MIOS: variants seen among roughly 807,000 people sequenced by gnomAD.
The protein encoded by MIOS is meiosis regulator for oocyte development.
In MIOS, 52 loss-of-function variants were observed where a neutral mutation model predicts 96.9. The ratio of observed to expected loss-of-function variants is 0.54; its 90% CI spans 0.43 to 0.68. MIOS has a LOEUF of 0.68. Among genes scored for constraint, MIOS ranks in the 30% least tolerant of loss-of-function variants. The probability of loss-of-function intolerance (pLI) is 0.00; values close to 1 mark genes in which losing one functional copy is unlikely to be tolerated. For missense variants in MIOS, 1,005 were observed against 1,052.8 expected, an observed-to-expected ratio of 0.95 and a Z score of 0.63; for synonymous variants, 397 against 359.5, an observed-to-expected ratio of 1.10 and a Z score of -1.18.
In MIOS at chr7:7,602,439, CAGAG is replaced by C. The variant is rs1289610311; in HGVS notation, c.2402-3500_2402-3497del. On this transcript the variant is annotated intron_variant, in intron 11 of 12. Coordinates refer to ENST00000340080, the MANE Select transcript of MIOS (RefSeq NM_019005.4). Reference sequence around the variant, plus strand: ...TTCTTATACACCAATAACAGACAAACAGAGAGCCAAATCATGAGTGAACTCCCAT... The same window carrying C: ...TTCTTATACACCAATAACAGACAAACAGCCAAATCATGAGTGAACTCCCAT... Among the ~76,000 whole-genome samples the C allele has an allele frequency of 6.6e-5, 10 of 152,168 alleles. 1 individual carries two copies. In the South Asian group the frequency reaches 8.3e-4, roughly 13 times the overall value.
chr7:7,590,947 A>G (rs1180195802), intron 9 of MIOS, among the ~76,000 whole-genome samples: 1 of 152,044 alleles, frequency 6.6e-6, no homozygotes, highest in Non-Finnish European at 1.5e-5. Context: ...CCTTTGTCCT[A>G]TTGTCATATA....
intron 8 of MIOS, 57 bp downstream of exon 8, chr7:7,588,620 G>A: frequency 9.1e-7 from 1 of 1,099,964 alleles, no homozygotes; most frequent in Non-Finnish European, 1.3e-6. Flanking sequence ...TCACAATTAT[G>A]TAAGAAACTA....
chr7:7,606,619 A>G (rs10952066), intron 12 of MIOS, among the ~76,000 whole-genome samples: 3,624 of 152,346 alleles, frequency 0.024, 59 homozygotes, highest in Non-Finnish European at 0.037. Flanking sequence ...TCACAACTAT[A>G]AATGAAATAT....
intron 5 of MIOS, among the ~76,000 whole-genome samples, chr7:7,580,490 A>G (rs796576552): frequency 5.3e-5 from 8 of 152,302 alleles, no homozygotes; most frequent in African/African-American, 1.9e-4. Context: ...GAATTATTTA[A>G]CTAATTTTTG....
At chr7:7,583,416 T>G (rs1418103726) in intron 6 of MIOS, 44 bp downstream of exon 6, 2 of 1,487,150 alleles carry the variant, frequency 1.3e-6, no homozygotes, top group Non-Finnish European at 1.8e-6. Context: ...TCTAAGATGT[T>G]AGCAGTTCAT....
intron 7 of MIOS, 89 bp from the exon 8 acceptor site, chr7:7,588,409 C>A (rs1472602825): frequency 1.6e-6 from 1 of 633,228 alleles, no homozygotes; most frequent in South Asian, 4.2e-5. Context: ...TAAACATATT[C>A]ATTTTATTTA....
rs1371242734 is a variant in MIOS at position 7,608,591 on chromosome 7, A to G, written c.*1499A>G. ...TTTTTTAAAGATTGCTATTAAGGGT[A>G]CTTTTTCCAGCCTTCATTTGAGTAA... On this transcript the variant is annotated 3_prime_UTR_variant, in exon 13 of 13. Transcript: ENST00000340080. 1.3e-5 allele frequency: 2 copies of G among 152,000 alleles called. No homozygotes were observed. Among genetic ancestry groups the G allele is most frequent in the Non-Finnish European group, 1.5e-5 (1 of 67,928 alleles). 9.4% of individuals were successfully genotyped at this position (152,000 alleles called of 1,614,324 possible). A position where few individuals can be genotyped will look rare whatever the true frequency, so the allele number is the denominator to read the frequency against.
intron 11 of MIOS, among the ~76,000 whole-genome samples, chr7:7,600,911 A>AT (rs776529780): frequency 3.7e-4 from 56 of 152,228 alleles, no homozygotes; most frequent in South Asian, 4.1e-4. Context: ...GGATTAAGAC[A>AT]TTCACTCCAA....
At position 7,605,925 on chromosome 7, in the gene MIOS, A is replaced by AT; in HGVS notation, c.2402-13dup. The AT allele has an allele frequency of 1.2e-6, 2 of 1,608,668 alleles. No homozygotes were observed. The highest frequency in any genetic ancestry group is 2.7e-5 in the African/African-American group (2 of 74,848). The stretch of plus-strand genomic sequence containing the variant: ...TATTATGATATAGTTAATGAAGATC[A>AT]TTTTATTTTGTCATAGGAGGAACCA... On this transcript the variant is annotated splice_polypyrimidine_tract_variant and intron_variant, in intron 11 of 12. Coordinates refer to ENST00000340080, the MANE Select transcript of MIOS (RefSeq NM_019005.4).
At position 7,588,559 on chromosome 7, in the gene MIOS, C is replaced by A; in HGVS notation, c.1880C>A (p.Thr627Asn). The change falls in exon 8 of 13, where the codon ACT becomes AAT. Residue 627 changes from threonine (T) to asparagine (N), a missense_variant. Physicochemically the swap from Thr to Asn is moderately conservative, Grantham distance 65. This residue lies in a region of MIOS where 865 missense variants were observed against 887.9 expected (regional missense o/e 0.97). Coordinates refer to ENST00000340080, the MANE Select transcript of MIOS (RefSeq NM_019005.4). ...VAFACKFLSD[T>N]QLNRYIEKLT... ...TTTGCTTGTAAATTCCTTAGTGATACTCAGGTGAAAACTGATTTAATTCCA... is the reference window on the plus strand; with the variant it reads ...TTTGCTTGTAAATTCCTTAGTGATAATCAGGTGAAAACTGATTTAATTCCA... 6.3e-7 allele frequency: 1 copy of A among 1,584,438 alleles called. No homozygotes were observed. Among genetic ancestry groups the A allele is most frequent in the Non-Finnish European group, 8.6e-7 (1 of 1,162,582 alleles).
intron 5 of MIOS, among the ~76,000 whole-genome samples, chr7:7,578,718 T>TCTCTTAAAGATAGTTCACATAACA (rs1783615505): frequency 6.6e-6 from 1 of 152,136 alleles, no homozygotes; most frequent in Non-Finnish European, 1.5e-5. Flanking sequence ...CCTAATTTTT[T>TCTCTTAAAGATAGTTCACATAACA]TTTTTTTGGA....
At chr7:7,582,692 A>G in intron 5 of MIOS, 1 of 881,236 alleles carries the variant, frequency 1.1e-6, no homozygotes, top group Non-Finnish European at 1.4e-6. Flanking sequence ...TACCTTGTGA[A>G]TAAAACAGAC....
At position 7,570,890 on chromosome 7, in the gene MIOS, G is replaced by A. The variant is rs570935046; in HGVS notation, c.-40-1546G>A. 2.6e-5 allele frequency among the ~76,000 whole-genome samples: 4 copies of A among 152,328 alleles called. No individual in the cohort carries two copies. The East Asian group carries it at 7.7e-4, about 29-fold the overall frequency. ...GGCCTGGTTCCTAACAGGCCAGGGA[G>A]CAGAACTGGTCTGCGGCCCTGGGAG... is the stretch of plus-strand genomic sequence containing the variant. On this transcript the variant is annotated intron_variant, in intron 3 of 12. Transcript: ENST00000340080.
intron 9 of MIOS, among the ~76,000 whole-genome samples, chr7:7,593,725 C>T (rs1583648437): frequency 6.6e-6 from 1 of 150,500 alleles, no homozygotes; most frequent in East Asian, 2.0e-4. Flanking sequence ...GAAACCCCAT[C>T]TCTACTAAAA....
At chr7:7,577,911 A>G (rs2115377754) in intron 5 of MIOS, among the ~76,000 whole-genome samples, 1 of 152,338 alleles carries the variant, frequency 6.6e-6, no homozygotes, top group Admixed American at 6.5e-5. Context: ...ATAATTAAAT[A>G]TATTGGCAAG....
At chr7:7,570,221 A>G (rs894912064) in intron 3 of MIOS, among the ~76,000 whole-genome samples, 2 of 152,172 alleles carry the variant, frequency 1.3e-5, no homozygotes, top group African/African-American at 2.4e-5. Context: ...GTGTGGTAGC[A>G]CTTGGAAGCC....
intron 6 of MIOS, among the ~76,000 whole-genome samples, chr7:7,585,417 T>G (rs2074726): frequency 1.0e-5 from 1 of 98,632 alleles, no homozygotes; most frequent in Non-Finnish European, 2.2e-5. Flanking sequence ...AACCCCCCCC[T>G]TTTTTTTTTT....
intron 11 of MIOS, among the ~76,000 whole-genome samples, chr7:7,604,084 G>A (rs1226125842): frequency 2.0e-5 from 3 of 151,658 alleles, no homozygotes; most frequent in African/African-American, 7.3e-5. Context: ...GGAAGGGGGA[G>A]GGATAGCATT....
At position 7,596,362 on chromosome 7, in the gene MIOS, A is replaced by G; in HGVS notation, c.2302A>G (p.Thr768Ala). 6.2e-7 allele frequency: 1 copy of G among 1,614,182 alleles called. No homozygotes were observed. Among genetic ancestry groups the G allele is most frequent in the Middle Eastern group, 1.6e-4 (1 of 6,062 alleles). The change falls in exon 11 of 13, where the codon ACG becomes GCG. Residue 768 changes from threonine to alanine, a missense_variant. Thr to Ala is a moderately conservative substitution (Grantham distance 58, BLOSUM62 0). Transcript: ENST00000340080. Reference sequence around the variant, plus strand: ...TCAGTATGGTGTGAGTGGCTCACCAACGAAATCTAAAGTCACAAGTTGTCC... The same window carrying G: ...TCAGTATGGTGTGAGTGGCTCACCAGCGAAATCTAAAGTCACAAGTTGTCC... ...FSQYGVSGSPTKSKVTSCPGC... is the reference protein window; with the variant it reads ...FSQYGVSGSPAKSKVTSCPGC...
Sources: allele counts gnomAD v4.1 joint callset (sites outside exome capture counted in the v4.1 genomes callset), GRCh38; gene constraint gnomAD v4.1.1; regional missense constraint gnomAD v4.1.1; transcripts MANE v1.5; gene names NCBI Gene and HGNC (gene_info 2026-07-23, HGNC 2026-07-21).